Variants in NOL9 observed in about 807,000 individuals in gnomAD.
NOL9 encodes the protein polynucleotide 5'-hydroxyl-kinase NOL9.
Under a neutral mutation model 67.9 loss-of-function variants are expected in NOL9, and 28 were observed. The ratio of observed to expected loss-of-function variants is 0.41; its 90% CI spans 0.31 to 0.57. The LOEUF is 0.57. Among genes scored for constraint, NOL9 ranks in the 20% least tolerant of loss-of-function variants. NOL9 has a pLI of 0.25. For synonymous variants in NOL9, 356 were observed against 352.2 expected, an observed-to-expected ratio of 1.01 and a Z score of -0.12; for missense variants, 777 against 897.0, an observed-to-expected ratio of 0.87 and a Z score of 1.71.
intron 8 of NOL9, 42 bp downstream of exon 8, chr1:6,532,421 C>T (rs200355993): frequency 9.6e-6 from 15 of 1,561,414 alleles, no homozygotes; most frequent in African/African-American, 8.2e-5. Flanking sequence ...TCTTTTTCGA[C>T]GGAAGGAAAA....
chr1:6,544,961 T>C, intron 4 of NOL9, 39 bp from the exon 5 acceptor site: 1 of 1,614,200 alleles, frequency 6.2e-7, no homozygotes, highest in Non-Finnish European at 8.5e-7. Flanking sequence ...GAATTAGCCG[T>C]CTTCCTTGGA....
In NOL9 at chr1:6,529,025, G is replaced by C; in HGVS notation, c.1794C>G (p.Ala598=). The change falls in exon 10 of 12, where the codon GCC becomes GCG. Residue 598 remains alanine, a synonymous_variant. Coordinates refer to ENST00000377705, the MANE Select transcript of NOL9 (RefSeq NM_024654.5). ...CCAAGCAGTCACAGATTGGAGTCTG[G>C]GCAAGCAGGATGGGCCCATTCGTGT... is the stretch of plus-strand genomic sequence containing the variant. ...RGYTNGPILL[A]QTPICDCLGF... The C allele has an allele frequency of 2.5e-6, 4 of 1,614,080 alleles. No homozygotes were observed. The highest frequency in any genetic ancestry group is 3.4e-6 in the Non-Finnish European group (4 of 1,180,036).
Position 6,554,271 on chromosome 1 carries a change from G to T in NOL9, c.232C>A (p.Pro78Thr). 1 of 1,476,848 alleles carries T rather than the reference G, an allele frequency of 6.8e-7. No individual in the cohort carries two copies. Among genetic ancestry groups the T allele is most frequent in the Non-Finnish European group, 9.0e-7 (1 of 1,116,198 alleles). 91.5% of individuals were successfully genotyped at this position (1,476,848 alleles called of 1,614,324 possible). A position where few individuals can be genotyped will look rare whatever the true frequency, so the allele number is the denominator to read the frequency against. ...QVSRAAAARR[P>T]NTATPSPIPS... ...ATCGGGCTGGGGGTCGCGGTGTTGG[G>T]TCTCCGGGCCGCCGCCGCGCGCGAC... The change falls in exon 1 of 12, where the codon CCC (proline) becomes ACC (threonine). Residue 78 changes from proline (P) to threonine (T), a missense_variant. Physicochemically the swap from Pro to Thr is conservative, Grantham distance 38. Transcript: ENST00000377705.
rs754607842 is a variant in NOL9 at position 6,550,503 on chromosome 1, G to A, written c.509C>T (p.Thr170Ile). 5.0e-6 allele frequency: 8 copies of A among 1,613,912 alleles called. No individual in the cohort carries two copies. The African/African-American group carries it at 8.0e-5, about 16-fold the overall frequency. Residue 170 changes from threonine (T) to isoleucine (I), a missense_variant, in exon 2 of 12, where the codon ACC becomes ATC. Physicochemically the swap from Thr to Ile is moderately conservative, Grantham distance 89. This residue lies in a region of NOL9 where 364 missense variants were observed against 344.4 expected (regional missense o/e 1.06). Coordinates refer to ENST00000377705, the MANE Select transcript of NOL9 (RefSeq NM_024654.5). Reference sequence around the variant, plus strand: ...TGCATGGATACTCAAGCAAGAGTGGGTATACACAGAGAAGATGTCTTGGGC... The same window carrying A: ...TGCATGGATACTCAAGCAAGAGTGGATATACACAGAGAAGATGTCTTGGGC... ...QPAQDIFSVY[T>I]HSCLSIHALH...
At chr1:6,531,636 C>G (rs1193645046) in intron 9 of NOL9, among the ~76,000 whole-genome samples, 1 of 152,128 alleles carries the variant, frequency 6.6e-6, no homozygotes, top group African/African-American at 2.4e-5. Context: ...AGTGGAAGTG[C>G]TGGAGCAGCC....
chr1:6,552,212 T>C (rs2148663145), intron 1 of NOL9, among the ~76,000 whole-genome samples: 1 of 152,230 alleles, frequency 6.6e-6, no homozygotes, highest in Admixed American at 6.5e-5. Context: ...TGTTGATCTG[T>C]GCAGCAAACC....
intron 3 of NOL9, among the ~76,000 whole-genome samples, chr1:6,547,461 T>C (rs1639442734): frequency 6.6e-6 from 1 of 151,606 alleles, no homozygotes; most frequent in South Asian, 2.1e-4. Flanking sequence ...TCCTGGAGAT[T>C]AGACTCCACC....
intron 3 of NOL9, 141 bp downstream of exon 3, chr1:6,549,430 C>T (rs187685532): frequency 3.9e-5 from 34 of 880,936 alleles, no homozygotes; most frequent in African/African-American, 1.3e-4. Context: ...TAATAGTTTC[C>T]GTATACACGT....
chr1:6,540,438 T>C (rs1047372027), intron 6 of NOL9, among the ~76,000 whole-genome samples: 1 of 152,112 alleles, frequency 6.6e-6, no homozygotes, highest in Non-Finnish European at 1.5e-5. Flanking sequence ...TATTCTTTAA[T>C]GAGTACAGTT....
At position 6,526,695 on chromosome 1, in the gene NOL9, C is replaced by T. The variant is rs1638892193; in HGVS notation, c.1959+1G>A. 6.2e-7 allele frequency: 1 copy of T among 1,610,084 alleles called. No individual in the cohort carries two copies. The highest frequency in any genetic ancestry group is 1.3e-5 in the African/African-American group (1 of 74,768). Reference sequence around the variant, plus strand: ...AGGGCTGTGCCCGGGGGAAGGCTCACCTGGCACTTAAGGACACAATGTGGA... The same window carrying T: ...AGGGCTGTGCCCGGGGGAAGGCTCATCTGGCACTTAAGGACACAATGTGGA... On this transcript the variant is annotated splice_donor_variant, in intron 11 of 11. Coordinates refer to ENST00000377705, the MANE Select transcript of NOL9 (RefSeq NM_024654.5). LOFTEE classifies it high-confidence loss of function.
intron 1 of NOL9, among the ~76,000 whole-genome samples, chr1:6,551,074 A>T (rs1264690377): frequency 6.6e-6 from 1 of 152,018 alleles, no homozygotes; most frequent in Non-Finnish European, 1.5e-5. Flanking sequence ...CACTTTGGGA[A>T]GCTGAGACAG....
At chr1:6,529,823 G>A (rs940913640) in intron 9 of NOL9, among the ~76,000 whole-genome samples, 1 of 151,986 alleles carries the variant, frequency 6.6e-6, no homozygotes, top group African/African-American at 2.4e-5. Context: ...CTACTTGGGA[G>A]GCTGAGGCAC....
chr1:6,532,126 G>T, intron 8 of NOL9, 47 bp from the exon 9 acceptor site: 1 of 1,378,100 alleles, frequency 7.3e-7, no homozygotes, highest in African/African-American at 1.4e-5. Context: ...AACCCTCAAC[G>T]GCCACCTCCC....
chr1:6,541,501 A>G (rs895397045), intron 6 of NOL9, among the ~76,000 whole-genome samples: 32 of 152,154 alleles, frequency 2.1e-4, no homozygotes, highest in Admixed American at 1.4e-3. Context: ...GTATTGATTC[A>G]GTATTAATTT....
At position 6,554,096 on chromosome 1, in the gene NOL9, C is replaced by A. The variant is rs572351368; in HGVS notation, c.396+11G>T. 1.0e-3 allele frequency: 1,523 copies of A among 1,517,956 alleles called. 25 individuals are homozygous for A. The South Asian group carries it at 0.014, about 14-fold the overall frequency. The allele number at this position is 1,517,956 out of a possible 1,614,324, so 94.0% of individuals were successfully genotyped here. A position where few individuals can be genotyped will look rare whatever the true frequency, so the allele number is the denominator to read the frequency against. On this transcript the variant is annotated intron_variant, in intron 1 of 11. Transcript: ENST00000377705. Reference sequence around the variant, plus strand: ...TGCCCTCGGGGACTACTACCGGCGCCCCCCACCTACCTGCTCGACCGGCAG... The same window carrying A: ...TGCCCTCGGGGACTACTACCGGCGCACCCCACCTACCTGCTCGACCGGCAG...
chr1:6,542,013 T>C (rs1236359919), intron 5 of NOL9, 86 bp from the exon 6 acceptor site: 3 of 777,848 alleles, frequency 3.9e-6, no homozygotes, highest in African/African-American at 3.5e-5. Context: ...AAAGATTTCA[T>C]GTGACACGCA....
chr1:6,532,285 TG>T, intron 8 of NOL9, 177 bp downstream of exon 8: 1 of 734,682 alleles, frequency 1.4e-6, no homozygotes, highest in Non-Finnish European at 2.2e-6. Context: ...GGGACACTTC[TG>T]GATATTTCCA....
At chr1:6,543,364 G>T (rs11122087) in intron 5 of NOL9, among the ~76,000 whole-genome samples, 122,745 of 151,980 alleles carry the variant, frequency 0.81, 50,403 homozygotes, top group Non-Finnish European at 0.87. Flanking sequence ...CCCAGCTAAT[G>T]TTTTGTATTT....
chr1:6,554,062 A>G (rs1030290009), intron 1 of NOL9, 45 bp downstream of exon 1: 58 of 1,471,888 alleles, frequency 3.9e-5, no homozygotes, highest in Non-Finnish European at 5.2e-5. Flanking sequence ...CTGCCTCTCC[A>G]GCCCTCCCTG....
Sources: allele counts gnomAD v4.1 joint callset (sites outside exome capture counted in the v4.1 genomes callset), GRCh38; gene constraint gnomAD v4.1.1; regional missense constraint gnomAD v4.1.1; transcripts MANE v1.5; gene names NCBI Gene and HGNC (gene_info 2026-07-23, HGNC 2026-07-21).